The following ABTB3 variants were observed in gnomAD, a reference collection of about 807,000 sequenced individuals.
ABTB3 encodes ankyrin repeat and BTB domain containing 3.
chr12:107,541,586 G>A, the ABTB3 span, among the ~76,000 whole-genome samples: 2 of 152,234 alleles, frequency 1.3e-5, no homozygotes, highest in East Asian at 1.9e-4. Flanking sequence ...GTCTGGAGAC[G>A]GAATGCTTTC....
At chr12:107,464,975 CA>C in the ABTB3 span, among the ~76,000 whole-genome samples, 54 of 152,030 alleles carry the variant, frequency 3.6e-4, no homozygotes, top group African/African-American at 9.4e-4. Context: ...CACACACACA[CA>C]CCCCAGAGAA....
the ABTB3 span, chr12:107,649,331 T>A: frequency 1.5e-5 from 22 of 1,505,770 alleles, no homozygotes; most frequent in East Asian, 4.5e-4. Context: ...GTGGCACTTC[T>A]GTAAACTCGG....
chr12:107,587,989 A>C, the ABTB3 span, among the ~76,000 whole-genome samples: 1 of 152,110 alleles, frequency 6.6e-6, no homozygotes. Context: ...ACTCCTTCAA[A>C]AGCCTCCCTC....
At chr12:107,441,774 C>CAAAAAAAAAAAAAAAAA in the ABTB3 span, among the ~76,000 whole-genome samples, 13 of 80,044 alleles carry the variant, frequency 1.6e-4, no homozygotes, top group African/African-American at 4.5e-4. Flanking sequence ...CTTGTCTCTA[C>CAAAAAAAAAAAAAAAAA]AAAAAAAAAA....
At chr12:107,522,176 A>G in the ABTB3 span, among the ~76,000 whole-genome samples, 1 of 151,788 alleles carries the variant, frequency 6.6e-6, no homozygotes, top group African/African-American at 2.4e-5. Context: ...GCCCTCATGG[A>G]CTCATCTAAC....
the ABTB3 span, among the ~76,000 whole-genome samples, chr12:107,482,865 C>T: frequency 6.7e-6 from 1 of 148,896 alleles, no homozygotes; most frequent in Non-Finnish European, 1.5e-5. Context: ...TGTTCTCTCT[C>T]TCTTTCTTTC....
At chr12:107,468,555 G>A in the ABTB3 span, among the ~76,000 whole-genome samples, 40 of 152,200 alleles carry the variant, frequency 2.6e-4, no homozygotes, top group East Asian at 6.8e-3. Flanking sequence ...TGTGGTTGAG[G>A]CTGGGTGAGA....
At chr12:107,535,043 C>A in the ABTB3 span, among the ~76,000 whole-genome samples, 10 of 152,062 alleles carry the variant, frequency 6.6e-5, no homozygotes, top group African/African-American at 2.2e-4. Flanking sequence ...AAAATCCCAA[C>A]AAAATACTAG....
the ABTB3 span, among the ~76,000 whole-genome samples, chr12:107,324,300 C>T: frequency 6.6e-6 from 1 of 152,026 alleles, no homozygotes; most frequent in Non-Finnish European, 1.5e-5. Flanking sequence ...CTCAGTACAC[C>T]CACCTCAAGG....
chr12:107,612,900 G>A, the ABTB3 span: 1,665 of 1,598,748 alleles, frequency 1.0e-3, 14 homozygotes, highest in African/African-American at 0.019. Flanking sequence ...AGGGCCCCTC[G>A]GCCGGCAGTC....
the ABTB3 span, among the ~76,000 whole-genome samples, chr12:107,488,589 G>C: frequency 6.6e-6 from 1 of 151,858 alleles, no homozygotes; most frequent in East Asian, 1.9e-4. Flanking sequence ...ACTTTTGTCT[G>C]ATAGGCACAG....
chr12:107,541,195 C>T, the ABTB3 span, among the ~76,000 whole-genome samples: 1 of 152,198 alleles, frequency 6.6e-6, no homozygotes, highest in East Asian at 1.9e-4. Flanking sequence ...GAGATGAGTC[C>T]TAAGCCTTCG....
At chr12:107,513,266 C>T in the ABTB3 span, among the ~76,000 whole-genome samples, 11 of 152,266 alleles carry the variant, frequency 7.2e-5, no homozygotes, top group Middle Eastern at 3.4e-3. Context: ...GTTTTCTCTT[C>T]GTAGATAAGT....
the ABTB3 span, among the ~76,000 whole-genome samples, chr12:107,329,355 T>C: frequency 6.6e-6 from 1 of 152,182 alleles, no homozygotes; most frequent in Non-Finnish European, 1.5e-5. Context: ...CTCGTCTGCT[T>C]AATAAGGGTA....
At chr12:107,326,864 C>G in the ABTB3 span, among the ~76,000 whole-genome samples, 1 of 152,218 alleles carries the variant, frequency 6.6e-6, no homozygotes, top group African/African-American at 2.4e-5. Flanking sequence ...TCTTGCCAAA[C>G]AAGCATTGTG....
At chr12:107,422,238 AG>A in the ABTB3 span, among the ~76,000 whole-genome samples, 2 of 152,134 alleles carry the variant, frequency 1.3e-5, no homozygotes, top group Non-Finnish European at 2.9e-5. Context: ...ACATGATATA[AG>A]CAAGGCCAGC....
At chr12:107,602,356 T>A in the ABTB3 span, among the ~76,000 whole-genome samples, 445 of 152,316 alleles carry the variant, frequency 2.9e-3, 11 homozygotes, top group East Asian at 0.045. Context: ...TGGACTGTAG[T>A]CTCTGTGTCT....
the ABTB3 span, among the ~76,000 whole-genome samples, chr12:107,494,752 C>T: frequency 5.3e-5 from 8 of 152,130 alleles, no homozygotes; most frequent in Non-Finnish European, 1.0e-4. Flanking sequence ...GCTTCAGCAG[C>T]TTCCCCAGGT....
the ABTB3 span, among the ~76,000 whole-genome samples, chr12:107,601,505 G>C: frequency 6.6e-6 from 1 of 152,204 alleles, no homozygotes; most frequent in Non-Finnish European, 1.5e-5. Context: ...TGTGGTACAG[G>C]ATCCCAGAGT....
Sources: allele counts gnomAD v4.1 joint callset (sites outside exome capture counted in the v4.1 genomes callset), GRCh38; gene constraint gnomAD v4.1.1; transcripts MANE v1.5; gene names NCBI Gene and HGNC (gene_info 2026-07-23, HGNC 2026-07-21).